ANKRD52: variants seen among roughly 807,000 people sequenced by gnomAD.
The protein encoded by ANKRD52 is serine/threonine-protein phosphatase 6 regulatory ankyrin repeat subunit C.
In ANKRD52, 7 loss-of-function variants were observed where a neutral mutation model predicts 116.0. That is an observed-to-expected ratio of 0.06 (90% CI 0.03 to 0.11). The LOEUF (loss-of-function observed/expected upper bound fraction) is 0.11. Ranked by LOEUF, ANKRD52 falls within the 10% of genes least tolerant of loss-of-function variation. ANKRD52 has a pLI of 1.00. For synonymous variants in ANKRD52, 528 were observed against 578.1 expected (o/e 0.91, Z 1.24); for missense variants, 839 against 1,408.6 (o/e 0.60, Z 6.47).
chr12:56,248,829 A>G lies in ANKRD52; in HGVS notation c.1634T>C (p.Leu545Pro). 1.2e-6 allele frequency: 2 copies of G among 1,610,784 alleles called. No individual in the cohort carries two copies. The highest frequency in any genetic ancestry group is 1.7e-6 in the Non-Finnish European group (2 of 1,178,484). ...FLLDNGADPS[L>P]RDRQGYTAVH... The stretch of plus-strand genomic sequence containing the variant: ...AGCTGTGTAGCCCTGCCTGTCCCGC[A>G]GGGAGGGGTCTGCACCGTTATCCAG... Residue 545 changes from leucine to proline, a missense_variant, in exon 16 of 28, where the codon CTG becomes CCG. Leu to Pro is a moderately conservative substitution (Grantham distance 98). Coordinates refer to ENST00000267116, the MANE Select transcript of ANKRD52 (RefSeq NM_173595.4). The surrounding 1 kb of genome is among the most constrained non-coding windows in gnomAD (Gnocchi z 5.1).
rs1207415272 is a variant in ANKRD52, at chr12:56,245,532, C to T, written c.2249G>A (p.Arg750Gln). 6.8e-6 allele frequency: 11 copies of T among 1,610,952 alleles called. No individual in the cohort carries two copies. The highest frequency in any genetic ancestry group is 1.1e-5 in the South Asian group (1 of 90,950). The change falls in exon 21 of 28, where the codon CGA (arginine) becomes CAA (glutamine). Residue 750 changes from arginine to glutamine, a missense_variant. Physicochemically the swap from Arg to Gln is conservative, Grantham distance 43 (BLOSUM62 1). Coordinates refer to ENST00000267116, the MANE Select transcript of ANKRD52 (RefSeq NM_173595.4). Reference sequence around the variant, plus strand: ...AATGGGCGTGCGGCCCTTAAAGTCTCGGCACAGCACAAATGCGTCGTGGTC... The same window carrying T: ...AATGGGCGTGCGGCCCTTAAAGTCTTGGCACAGCACAAATGCGTCGTGGTC... ...LLDHDAFVLCRDFKGRTPIHL... is the reference protein window; with the variant it reads ...LLDHDAFVLCQDFKGRTPIHL...
Position 56,248,374 on chromosome 12 carries a change from G to A in ANKRD52, c.1776+121C>T, listed in dbSNP as rs1324661363. The A allele has an allele frequency of 1.0e-5, 14 of 1,406,454 alleles. No homozygotes were observed. The Admixed American group carries it at 2.5e-4, about 25-fold the overall frequency. 87.1% of individuals were successfully genotyped at this position (1,406,454 alleles called of 1,614,324 possible). On this transcript the variant is annotated intron_variant, in intron 17 of 27. Coordinates refer to ENST00000267116, the MANE Select transcript of ANKRD52 (RefSeq NM_173595.4). The surrounding 1 kb of genome is among the most constrained non-coding windows in gnomAD (Gnocchi z 5.1). Reference sequence around the variant, plus strand: ...CTTAAGGCTTCCTACCCTGCACTGTGCTTATCCCCTCTCCCACAAAAAGGC... The same window carrying A: ...CTTAAGGCTTCCTACCCTGCACTGTACTTATCCCCTCTCCCACAAAAAGGC...
chr12:56,248,648 C>T lies in ANKRD52; in HGVS notation c.1705-82G>A. 2 of 1,493,986 alleles carry T rather than the reference C, an allele frequency of 1.3e-6. No homozygotes were observed. Among genetic ancestry groups the T allele is most frequent in the Admixed American group, 3.9e-5 (2 of 50,908 alleles). The allele number at this position is 1,493,986 out of a possible 1,614,324, so 92.5% of individuals were successfully genotyped here. Reference sequence around the variant, plus strand: ...AGTCCCCGACTCGCAGTAATCCCCACTAAGCCTCTGGATCCAAAGACCACA... The same window carrying T: ...AGTCCCCGACTCGCAGTAATCCCCATTAAGCCTCTGGATCCAAAGACCACA... On this transcript the variant is annotated intron_variant, in intron 16 of 27. Transcript: ENST00000267116. The surrounding 1 kb of genome is among the most constrained non-coding windows in gnomAD (Gnocchi z 5.1).
intron 20 of ANKRD52, 144 bp downstream of exon 20, chr12:56,247,346 CAAA>C (rs1007977970): frequency 0.022 from 10,364 of 467,814 alleles, no homozygotes; most frequent in South Asian, 0.026. Context: ...GACCCTGTCT[CAAA>C]AAAAAAAAAA....
rs538475958 is a variant in ANKRD52 at position 56,244,241 on chromosome 12, G to A, written c.2806-108C>T. ...AGGACAAACAGCTGCCCAACCAGTC[G>A]GATAGGCTGGACAATCCTCACTTCT... On this transcript the variant is annotated intron_variant, in intron 25 of 27. Coordinates refer to ENST00000267116, the MANE Select transcript of ANKRD52 (RefSeq NM_173595.4). The surrounding 1 kb of genome is among the most constrained non-coding windows in gnomAD (Gnocchi z 4.9). 11 of 1,517,924 alleles carry A rather than the reference G, an allele frequency of 7.2e-6. No homozygotes were observed. Among genetic ancestry groups the A allele is most frequent in the East Asian group, 2.3e-5 (1 of 44,152 alleles). The allele number at this position is 1,517,924 out of a possible 1,614,324, so 94.0% of individuals were successfully genotyped here.
At position 56,253,510 on chromosome 12, in the gene ANKRD52, C is replaced by T. The variant is rs947821983; in HGVS notation, c.986-108G>A. On this transcript the variant is annotated intron_variant, in intron 9 of 27. Coordinates refer to ENST00000267116, the MANE Select transcript of ANKRD52 (RefSeq NM_173595.4). The surrounding 1 kb of genome is among the most constrained non-coding windows in gnomAD (Gnocchi z 5.5). ...TACTATGTATGCATCAGGTGCCAGG[C>T]CCAGGATTCTACATATTTTATCCTG... The T allele has an allele frequency of 2.0e-6, 2 of 988,292 alleles. No individual in the cohort carries two copies. Among genetic ancestry groups the T allele is most frequent in the African/African-American group, 1.6e-5 (1 of 62,468 alleles). The allele number at this position is 988,292 out of a possible 1,614,324, so 61.2% of individuals were successfully genotyped here.
At position 56,257,059 on chromosome 12, in the gene ANKRD52, G is replaced by A. The variant is rs1871987577; in HGVS notation, c.217C>T (p.Leu73=). The change falls in exon 4 of 28, where the codon CTG becomes TTG. Residue 73 remains leucine, a synonymous_variant. Coordinates refer to ENST00000267116, the MANE Select transcript of ANKRD52 (RefSeq NM_173595.4). Reference sequence around the variant, plus strand: ...GCACGATGAAGAGGGGTCAGCCACAGTGTGTCCTTAGCATTGACATTAGCA... The same window carrying A: ...GCACGATGAAGAGGGGTCAGCCACAATGTGTCCTTAGCATTGACATTAGCA... ...SGANVNAKDT[L]WLTPLHRAAA... 1.2e-6 allele frequency: 2 copies of A among 1,613,696 alleles called. No homozygotes were observed. Among genetic ancestry groups the A allele is most frequent in the Non-Finnish European group, 1.7e-6 (2 of 1,179,748 alleles).
At position 56,248,424 on chromosome 12, in the gene ANKRD52, G is replaced by A. The variant is rs1452532370; in HGVS notation, c.1776+71C>T. The stretch of plus-strand genomic sequence containing the variant: ...CAGAAGGAAGGATAACTTCACAAGT[G>A]CTGGCACCTTTGTTAGGGCCTGGGA... On this transcript the variant is annotated intron_variant, in intron 17 of 27. Coordinates refer to ENST00000267116, the MANE Select transcript of ANKRD52 (RefSeq NM_173595.4). This position sits in a 1 kb window ranked among gnomAD's most constrained non-coding sequence, Gnocchi z 5.1. 3 of 1,502,396 alleles carry A rather than the reference G, an allele frequency of 2.0e-6. No individual in the cohort carries two copies. The African/African-American group carries it at 4.2e-5, about 21-fold the overall frequency. 93.1% of individuals were successfully genotyped at this position (1,502,396 alleles called of 1,614,324 possible).
chr12:56,243,475 G>A lies in ANKRD52; in HGVS notation c.2981-83C>T, dbSNP rs1365843448. The A allele has an allele frequency of 2.0e-6, 3 of 1,507,976 alleles. No homozygotes were observed. Among genetic ancestry groups the A allele is most frequent in the Non-Finnish European group, 2.7e-6 (3 of 1,123,022 alleles). The allele number at this position is 1,507,976 out of a possible 1,614,324, so 93.4% of individuals were successfully genotyped here. ...CCAAGCCCTGAAGTCTCTTCTCTGTGGAGGGAGCCAAGGCAGGCAGGTACC... is the reference window on the plus strand; with the variant it reads ...CCAAGCCCTGAAGTCTCTTCTCTGTAGAGGGAGCCAAGGCAGGCAGGTACC... On this transcript the variant is annotated intron_variant, in intron 27 of 27. Transcript: ENST00000267116. This position sits in a 1 kb window ranked among gnomAD's most constrained non-coding sequence, Gnocchi z 4.6.
At chr12:56,245,341 C>A (rs772030583) in intron 21 of ANKRD52, 36 bp downstream of exon 21, 29 of 1,604,182 alleles carry the variant, frequency 1.8e-5, no homozygotes, top group Middle Eastern at 1.9e-4. Flanking sequence ...CACTCCAACA[C>A]ATGCTCCTGT....
chr12:56,248,467 G>A lies in ANKRD52; in HGVS notation c.1776+28C>T. The A allele has an allele frequency of 6.3e-7, 1 of 1,575,326 alleles. No individual in the cohort carries two copies. ...GCCTGGGAACAGGTAGGACAAGGAA[G>A]GCAACAGAAAAAAGACGTGGGACTC... is the stretch of plus-strand genomic sequence containing the variant. On this transcript the variant is annotated intron_variant, in intron 17 of 27. Transcript: ENST00000267116. This position sits in a 1 kb window ranked among gnomAD's most constrained non-coding sequence, Gnocchi z 5.1.
intron 20 of ANKRD52, among the ~76,000 whole-genome samples, chr12:56,246,505 AG>A (rs1871405566): frequency 6.6e-6 from 1 of 152,164 alleles, no homozygotes; most frequent in Non-Finnish European, 1.5e-5. Flanking sequence ...AGGAGGAGGC[AG>A]CTTAGGACAG....
Position 56,242,158 on chromosome 12 carries a change from G to A in ANKRD52, c.*984C>T. On this transcript the variant is annotated 3_prime_UTR_variant, in exon 28 of 28. Coordinates refer to ENST00000267116, the MANE Select transcript of ANKRD52 (RefSeq NM_173595.4). The surrounding 1 kb of genome is among the most constrained non-coding windows in gnomAD (Gnocchi z 4.3). ...CTTGGCGGCACAGGAGGAAGAACATGGTCCCTCCCTCCATATACATGCAAA... is the reference window on the plus strand; with the variant it reads ...CTTGGCGGCACAGGAGGAAGAACATAGTCCCTCCCTCCATATACATGCAAA... 7.5e-6 allele frequency: 3 copies of A among 398,626 alleles called. No homozygotes were observed. The highest frequency in any genetic ancestry group is 1.3e-5 in the Non-Finnish European group (3 of 226,080). The allele number at this position is 398,626 out of a possible 1,614,324, so 24.7% of individuals were successfully genotyped here.
rs1871538769 is a variant in ANKRD52 at position 56,248,648 on chromosome 12, C to CT, written c.1705-83dup. ...AGTCCCCGACTCGCAGTAATCCCCA[C>CT]TAAGCCTCTGGATCCAAAGACCACA... On this transcript the variant is annotated intron_variant, in intron 16 of 27. Transcript: ENST00000267116. This position sits in a 1 kb window ranked among gnomAD's most constrained non-coding sequence, Gnocchi z 5.1. 2.0e-6 allele frequency: 3 copies of CT among 1,493,868 alleles called. No homozygotes were observed. The highest frequency in any genetic ancestry group is 2.7e-6 in the Non-Finnish European group (3 of 1,093,128). The allele number at this position is 1,493,868 out of a possible 1,614,324, so 92.5% of individuals were successfully genotyped here.
rs544916423 is a variant in ANKRD52 at position 56,243,116 on chromosome 12, C to T, written c.*26G>A. The T allele has an allele frequency of 8.3e-5, 130 of 1,558,214 alleles. No individual in the cohort carries two copies. In the South Asian group the frequency reaches 1.2e-3, roughly 14 times the overall value. On this transcript the variant is annotated 3_prime_UTR_variant, in exon 28 of 28. Coordinates refer to ENST00000267116, the MANE Select transcript of ANKRD52 (RefSeq NM_173595.4). The surrounding 1 kb of genome is among the most constrained non-coding windows in gnomAD (Gnocchi z 4.6). ...TAAATAGAATTAGATATCAAGCCAC[C>T]GGCGGGGGAGGGACACTGGAGGGGG...
intron 20 of ANKRD52, 36 bp from the exon 21 acceptor site, chr12:56,245,632 GC>G (rs1871362353): frequency 6.3e-7 from 1 of 1,582,788 alleles, no homozygotes; most frequent in African/African-American, 1.4e-5. Flanking sequence ...GGGATGAAAA[GC>G]TCCTCCTTTT....
Position 56,243,781 on chromosome 12 carries a change from C to A in ANKRD52, c.2980+4G>T. 1 of 1,554,334 alleles carries A rather than the reference C, an allele frequency of 6.4e-7. No homozygotes were observed. The highest frequency in any genetic ancestry group is 2.4e-5 in the East Asian group (1 of 41,094). ...AGAGGCATGGGGCCCCAGACCCCAC[C>A]CACCTTCTTCATCCACAGCCAGCAC... On this transcript the variant is annotated splice_donor_region_variant and intron_variant, in intron 27 of 27. Transcript: ENST00000267116. This position sits in a 1 kb window ranked among gnomAD's most constrained non-coding sequence, Gnocchi z 4.6.
intron 3 of ANKRD52, 97 bp from the exon 4 acceptor site, chr12:56,257,182 C>CGCCTGG: frequency 6.5e-7 from 1 of 1,550,218 alleles, no homozygotes; most frequent in Non-Finnish European, 8.8e-7. Context: ...GCTGGAGCCT[C>CGCCTGG]GCCTGGACCA....
intron 1 of ANKRD52, 31 bp from the exon 2 acceptor site, chr12:56,257,942 G>T (rs375769590): frequency 3.6e-5 from 58 of 1,608,672 alleles, no homozygotes; most frequent in Non-Finnish European, 4.2e-5. Context: ...CTGAGAGCGG[G>T]CTGGAGCCGG....
Sources: allele counts gnomAD v4.1 joint callset (sites outside exome capture counted in the v4.1 genomes callset), GRCh38; gene constraint gnomAD v4.1.1; non-coding constraint Gnocchi (gnomAD v3.1); transcripts MANE v1.5; gene names NCBI Gene and HGNC (gene_info 2026-07-23, HGNC 2026-07-21).